Variants in SOX5 observed in about 807,000 individuals in gnomAD.
SOX5 encodes SRY-box transcription factor 5.
Under a neutral mutation model 92.0 loss-of-function variants are expected in SOX5, and 9 were observed. That is an observed-to-expected ratio of 0.10 (90% confidence interval 0.06 to 0.17). The LOEUF is 0.17. SOX5 is among the 10% of genes least tolerant of loss of function. The pLI, the probability that SOX5 is intolerant of heterozygous loss-of-function variation, is 1.00. For missense variants in SOX5, 642 were observed against 944.5 expected, an observed-to-expected ratio of 0.68 and a Z score of 4.20; for synonymous variants, 344 against 336.3, an observed-to-expected ratio of 1.02 and a Z score of -0.25.
chr12:23,615,183 T>C (rs1411167209), intron 8 of SOX5, among the ~76,000 whole-genome samples: 5 of 152,144 alleles, frequency 3.3e-5, no homozygotes, highest in African/African-American at 1.2e-4. Context: ...GTAGTTTTAA[T>C]TTGCATTTCT....
At chr12:24,009,184 A>T (rs80125406) in intron 4 of SOX5, among the ~76,000 whole-genome samples, 1,991 of 152,290 alleles carry the variant, frequency 0.013, 37 homozygotes, top group African/African-American at 0.045. Context: ...TCTGACTACA[A>T]CTACATAAGA....
intron 4 of SOX5, among the ~76,000 whole-genome samples, chr12:23,991,527 A>G (rs914242064): frequency 6.6e-6 from 1 of 151,964 alleles, no homozygotes; most frequent in African/African-American, 2.4e-5. Context: ...TATTTTTCCG[A>G]TTTTCCAGTT....
intron 4 of SOX5, among the ~76,000 whole-genome samples, chr12:23,981,728 G>C (rs1949582309): frequency 6.6e-6 from 1 of 151,942 alleles, no homozygotes; most frequent in Admixed American, 6.6e-5. Context: ...GAGTTTTTAT[G>C]TACATTTCAT....
At chr12:23,665,706 G>A in intron 6 of SOX5, 142 bp from the exon 7 acceptor site, 2 of 924,532 alleles carry the variant, frequency 2.2e-6, no homozygotes, top group South Asian at 3.4e-5. Flanking sequence ...TACTGGGCTT[G>A]AGGATATGCT....
intron 4 of SOX5, among the ~76,000 whole-genome samples, chr12:24,108,288 T>G (rs1006312207): frequency 6.6e-6 from 1 of 152,012 alleles, no homozygotes; most frequent in Non-Finnish European, 1.5e-5. Flanking sequence ...TTTGTGGATG[T>G]TTTTTGTTAA....
intron 1 of SOX5, among the ~76,000 whole-genome samples, chr12:24,373,087 C>T (rs1956908617): frequency 6.6e-6 from 1 of 151,496 alleles, no homozygotes; most frequent in Non-Finnish European, 1.5e-5. Context: ...CACTGCACTC[C>T]AACCTCAGTA....
chr12:23,558,948 T>C (rs1477898294), intron 11 of SOX5, among the ~76,000 whole-genome samples: 3 of 152,220 alleles, frequency 2.0e-5, no homozygotes, highest in South Asian at 2.1e-4. Context: ...CTGATACATG[T>C]AGCGAAACTC....
chr12:24,150,204 T>C (rs1345765382), intron 4 of SOX5, among the ~76,000 whole-genome samples: 1 of 152,166 alleles, frequency 6.6e-6, no homozygotes, highest in Non-Finnish European at 1.5e-5. Flanking sequence ...TTTTTCTCCT[T>C]TACTAAAATG....
At position 24,358,915 on chromosome 12, in the gene SOX5, T is replaced by C. The variant is rs77410870; in HGVS notation, c.-174+9648A>G. Among the ~76,000 whole-genome samples the C allele has an allele frequency of 6.3e-3, 956 of 152,314 alleles. 10 individuals carry two copies. The highest frequency in any genetic ancestry group is 0.022 in the African/African-American group (907 of 41,560). On this transcript the variant is annotated intron_variant, in intron 2 of 4. Coordinates refer to the SOX5 transcript ENST00000446891. ...CTCTGGATAGTATTACATACATGCT[T>C]CTTCACTAAAGTCTCACGTTTACCT...
intron 1 of SOX5, among the ~76,000 whole-genome samples, chr12:23,947,981 G>A (rs964552678): frequency 1.4e-4 from 21 of 151,976 alleles, no homozygotes; most frequent in Non-Finnish European, 4.4e-5. Flanking sequence ...TCATTTAAGT[G>A]CTACTCTGTG....
chr12:23,899,858 G>T (rs2097214092), intron 1 of SOX5, among the ~76,000 whole-genome samples: 2 of 152,150 alleles, frequency 1.3e-5, no homozygotes, highest in Non-Finnish European at 1.5e-5. Flanking sequence ...CTTATGAGCT[G>T]GTTGAGAATA....
chr12:23,999,631 G>C (rs1019209023), intron 4 of SOX5, among the ~76,000 whole-genome samples: 3 of 151,852 alleles, frequency 2.0e-5, no homozygotes, highest in Admixed American at 6.6e-5. Context: ...TAATAAAAGA[G>C]TCTTTTACTT....
intron 2 of SOX5, among the ~76,000 whole-genome samples, chr12:23,871,759 C>T (rs964509911): frequency 5.3e-5 from 8 of 152,060 alleles, no homozygotes; most frequent in Non-Finnish European, 4.4e-5. Context: ...TCTTCAACCT[C>T]AATGTTCACT....
chr12:24,231,282 T>A (rs1023905578), intron 3 of SOX5, among the ~76,000 whole-genome samples: 2 of 147,150 alleles, frequency 1.4e-5, no homozygotes, highest in Non-Finnish European at 1.5e-5. Flanking sequence ...TCAACACACA[T>A]GTTTAGAATA....
At chr12:23,831,764 G>T (rs1024172700) in intron 3 of SOX5, among the ~76,000 whole-genome samples, 2 of 151,958 alleles carry the variant, frequency 1.3e-5, no homozygotes, top group African/African-American at 4.8e-5. Context: ...AGTTCTAGTT[G>T]TTTAAATAAT....
chr12:23,868,160 C>T (rs979882922), intron 2 of SOX5, among the ~76,000 whole-genome samples: 3 of 151,652 alleles, frequency 2.0e-5, no homozygotes, highest in African/African-American at 7.3e-5. Context: ...AAAAACATCA[C>T]CTGCTTTTAA....
intron 1 of SOX5, among the ~76,000 whole-genome samples, chr12:23,914,899 A>G (rs2097396506): frequency 6.6e-6 from 1 of 152,144 alleles, no homozygotes; most frequent in African/African-American, 2.4e-5. Flanking sequence ...AATTAAAGTG[A>G]GTTTACTATT....
chr12:24,358,593 C>T (rs1955148837), intron 2 of SOX5, among the ~76,000 whole-genome samples: 1 of 145,854 alleles, frequency 6.9e-6, no homozygotes, highest in Non-Finnish European at 1.5e-5. Flanking sequence ...GCCTGGGCAA[C>T]AGAGCGAGAC....
At chr12:23,582,387 G>T (rs1249395861) in intron 9 of SOX5, 2 of 539,150 alleles carry the variant, frequency 3.7e-6, no homozygotes, top group Non-Finnish European at 4.7e-6. Flanking sequence ...ATATTTACGT[G>T]CAAGAGTCAA....
Sources: allele counts gnomAD v4.1 joint callset (sites outside exome capture counted in the v4.1 genomes callset), GRCh38; gene constraint gnomAD v4.1.1; transcripts MANE v1.5; gene names NCBI Gene and HGNC (gene_info 2026-07-23, HGNC 2026-07-21).